SHISA9: variants seen among roughly 807,000 people sequenced by gnomAD.
SHISA9 encodes the protein shisa family member 9, also known as protein shisa-9.
SHISA9 carries 13 observed loss-of-function variants against 38.0 expected under a neutral mutation model. The ratio of observed to expected loss-of-function variants is 0.34; its 90% confidence interval spans 0.22 to 0.54. The LOEUF (loss-of-function observed/expected upper bound fraction) is 0.54, where lower values mean the gene tolerates loss of function less well. SHISA9 is among the 20% of genes least tolerant of loss of function. SHISA9 has a pLI of 0.91. For synonymous variants in SHISA9, 275 were observed against 242.0 expected, an observed-to-expected ratio of 1.14 and a Z score of -1.27; for missense variants, 538 against 575.8, an observed-to-expected ratio of 0.93 and a Z score of 0.67.
At chr16:12,991,690 A>G (rs1259549171) in intron 2 of SHISA9, among the ~76,000 whole-genome samples, 1 of 152,188 alleles carries the variant, frequency 6.6e-6, no homozygotes, top group African/African-American at 2.4e-5. Context: ...GAGCTGAGTC[A>G]ATCTTTTCTT....
At chr16:13,268,659 G>C in the SHISA9 span, among the ~76,000 whole-genome samples, 1 of 152,098 alleles carries the variant, frequency 6.6e-6, no homozygotes, top group Non-Finnish European at 1.5e-5. Flanking sequence ...CAATGTGAGC[G>C]TATTTTCCTT....
rs529632720 is a variant in SHISA9 at position 13,235,662 on chromosome 16, C to T, written c.*253C>T. On this transcript the variant is annotated 3_prime_UTR_variant, in exon 5 of 5. Transcript: ENST00000558583. ...ACAGCAAAGGGGAAAATGAGGCACA[C>T]TCTTTCCACTTCAGGCCCAAGATGG... 65 of 474,764 alleles carry T rather than the reference C, an allele frequency of 1.4e-4. 2 individuals are homozygous for T. In the South Asian group the frequency reaches 2.8e-3, roughly 20 times the overall value. The allele number at this position is 474,764 out of a possible 1,614,324, so 29.4% of individuals were successfully genotyped here. A position where few individuals can be genotyped will look rare whatever the true frequency, so the allele number is the denominator to read the frequency against.
chr16:13,096,981 C>T (rs2073834381), intron 2 of SHISA9, among the ~76,000 whole-genome samples: 3 of 152,154 alleles, frequency 2.0e-5, no homozygotes, highest in African/African-American at 7.2e-5. Context: ...GGGCACATCT[C>T]ACTCTCTCAA....
At chr16:13,293,620 A>T in the SHISA9 span, among the ~76,000 whole-genome samples, 97 of 152,322 alleles carry the variant, frequency 6.4e-4, no homozygotes, top group Non-Finnish European at 1.1e-3. Context: ...AAGTGTTATT[A>T]TTGGCAATGT....
At chr16:13,409,624 A>G in the SHISA9 span, among the ~76,000 whole-genome samples, 2 of 152,226 alleles carry the variant, frequency 1.3e-5, no homozygotes, top group Admixed American at 1.3e-4. Flanking sequence ...TTAACTATAC[A>G]TGGAAATAAT....
the SHISA9 span, among the ~76,000 whole-genome samples, chr16:13,500,313 TG>T: frequency 7.2e-4 from 110 of 152,292 alleles, 1 homozygote; most frequent in Admixed American, 5.3e-3. Flanking sequence ...CCCAGGCATA[TG>T]GAACTGTAAG....
At chr16:13,112,846 T>C (rs1212602272) in intron 2 of SHISA9, among the ~76,000 whole-genome samples, 2 of 152,082 alleles carry the variant, frequency 1.3e-5, no homozygotes, top group Admixed American at 1.3e-4. Context: ...TTCCTGAAAC[T>C]AAATCCGGTG....
chr16:13,245,072 T>G (rs1336329550), downstream of SHISA9, among the ~76,000 whole-genome samples: 1 of 151,914 alleles, frequency 6.6e-6, no homozygotes, highest in Non-Finnish European at 1.5e-5. Context: ...CGTGCCACCA[T>G]GCCCAGCTAA....
the SHISA9 span, among the ~76,000 whole-genome samples, chr16:13,435,466 C>T: frequency 2.0e-5 from 3 of 152,338 alleles, no homozygotes; most frequent in Admixed American, 6.5e-5. Flanking sequence ...TGGAAAATGA[C>T]ACTTGTTCCA....
At chr16:13,254,705 G>C in the SHISA9 span, among the ~76,000 whole-genome samples, 1 of 152,190 alleles carries the variant, frequency 6.6e-6, no homozygotes, top group Non-Finnish European at 1.5e-5. Flanking sequence ...AAATTCTTCA[G>C]AAGCAACATC....
At chr16:12,965,591 T>G (rs1268560852) in intron 2 of SHISA9, among the ~76,000 whole-genome samples, 4 of 152,198 alleles carry the variant, frequency 2.6e-5, no homozygotes, top group African/African-American at 9.6e-5. Flanking sequence ...TCTGGCTAGC[T>G]TCCAACGTCA....
the SHISA9 span, among the ~76,000 whole-genome samples, chr16:13,302,938 G>T: frequency 6.6e-6 from 1 of 152,110 alleles, no homozygotes; most frequent in East Asian, 1.9e-4. Flanking sequence ...ACCTGTTGCC[G>T]TGTAAGACGT....
chr16:13,545,644 G>A, the SHISA9 span, among the ~76,000 whole-genome samples: 1 of 152,176 alleles, frequency 6.6e-6, no homozygotes, highest in South Asian at 2.1e-4. Flanking sequence ...CATTCCACCT[G>A]TTGCGTCCCC....
chr16:13,361,770 C>G, the SHISA9 span, among the ~76,000 whole-genome samples: 1 of 152,196 alleles, frequency 6.6e-6, no homozygotes, highest in Admixed American at 6.5e-5. Flanking sequence ...AGATTTTCTT[C>G]CCTTTTGCCA....
At chr16:13,466,440 C>A in the SHISA9 span, among the ~76,000 whole-genome samples, 6 of 152,152 alleles carry the variant, frequency 3.9e-5, no homozygotes, top group African/African-American at 1.4e-4. Context: ...CATCTCAATC[C>A]AGGTAGGACT....
chr16:12,913,150 T>C (rs1442128477), intron 1 of SHISA9, among the ~76,000 whole-genome samples: 1 of 152,206 alleles, frequency 6.6e-6, no homozygotes, highest in Non-Finnish European at 1.5e-5. Flanking sequence ...GTTTTTAATA[T>C]ATAGGTTGGT....
At chr16:13,546,461 TGAA>T in the SHISA9 span, among the ~76,000 whole-genome samples, 1 of 152,198 alleles carries the variant, frequency 6.6e-6, no homozygotes, top group African/African-American at 2.4e-5. Flanking sequence ...CTCTCATATT[TGAA>T]GAAGAAAAGC....
At chr16:13,029,428 A>G (rs1384836101) in intron 2 of SHISA9, among the ~76,000 whole-genome samples, 1 of 152,230 alleles carries the variant, frequency 6.6e-6, no homozygotes, top group Non-Finnish European at 1.5e-5. Context: ...CAACACAGCA[A>G]AACCTCGTCT....
chr16:13,198,008 A>C lies in SHISA9; in HGVS notation c.692-5386A>C, dbSNP rs113069242. On this transcript the variant is annotated intron_variant, in intron 2 of 4. Coordinates refer to ENST00000558583, the MANE Select transcript of SHISA9 (RefSeq NM_001145204.3). ...AAGACCAGCCTGGCCAACATGGAGA[A>C]GCCCCTTCTCTACTAAAAACACAAA... Among the ~76,000 whole-genome samples, 506 of 152,170 alleles carry C rather than the reference A, an allele frequency of 3.3e-3. 3 individuals carry two copies. Among genetic ancestry groups the C allele is most frequent in the African/African-American group, 0.011 (470 of 41,518 alleles).
Sources: gnomAD v4.1 joint callset for allele counts (sites outside exome capture counted in the v4.1 genomes callset) on GRCh38, gnomAD v4.1.1 for gene constraint, MANE v1.5 for transcripts, NCBI Gene and HGNC (gene_info 2026-07-23, HGNC 2026-07-21) for gene names.